Variants in DLG2 observed in about 807,000 individuals in gnomAD.
DLG2 encodes discs large MAGUK scaffold protein 2.
Under a neutral mutation model 132.5 loss-of-function variants are expected in DLG2, and 45 were observed. That is an observed-to-expected ratio of 0.34 (90% CI 0.27 to 0.44). The LOEUF (loss-of-function observed/expected upper bound fraction) is 0.44, where lower values mean the gene tolerates loss of function less well. Ranked by LOEUF, DLG2 falls within the 20% of genes least tolerant of loss-of-function variation. DLG2 has a pLI of 1.00. For missense variants in DLG2, 1,045 were observed against 1,196.9 expected, an observed-to-expected ratio of 0.87 and a Z score of 1.87; for synonymous variants, 424 against 419.6, an observed-to-expected ratio of 1.01 and a Z score of -0.13.
At chr11:83,679,981 A>G (rs1482980257) in intron 18 of DLG2, among the ~76,000 whole-genome samples, 2 of 152,148 alleles carry the variant, frequency 1.3e-5, no homozygotes, top group African/African-American at 2.4e-5. Context: ...CGTAGGCAAA[A>G]TTAACATTTG....
At chr11:84,582,072 G>A (rs1049812475) in intron 6 of DLG2, among the ~76,000 whole-genome samples, 5 of 152,060 alleles carry the variant, frequency 3.3e-5, no homozygotes, top group East Asian at 3.9e-4. Context: ...TTTAAACTCA[G>A]GCCTGTCAGA....
intron 7 of DLG2, among the ~76,000 whole-genome samples, chr11:84,271,478 G>A (rs2097721555): frequency 6.6e-6 from 1 of 152,152 alleles, no homozygotes; most frequent in African/African-American, 2.4e-5. Context: ...CTATAGTCAA[G>A]GTTCTGAGTT....
intron 19 of DLG2, 192 bp downstream of exon 19, chr11:83,633,019 G>A (rs1230967069): frequency 3.7e-6 from 2 of 540,644 alleles, no homozygotes; most frequent in Admixed American, 3.2e-5. Context: ...ATAAAAGCAG[G>A]CACCTTTAAC....
intron 10 of DLG2, among the ~76,000 whole-genome samples, chr11:84,066,446 C>T (rs944015070): frequency 6.6e-6 from 1 of 152,116 alleles, no homozygotes; most frequent in Non-Finnish European, 1.5e-5. Flanking sequence ...ACTCAGACCT[C>T]CTCAAGTTTT....
At chr11:83,948,716 G>A (rs1451781121) in intron 14 of DLG2, among the ~76,000 whole-genome samples, 1 of 151,948 alleles carries the variant, frequency 6.6e-6, no homozygotes, top group African/African-American at 2.4e-5. Context: ...GAGCCCAACT[G>A]CCTATGTTTA....
chr11:84,250,558 G>A (rs1279465441), intron 8 of DLG2, among the ~76,000 whole-genome samples: 8 of 152,164 alleles, frequency 5.3e-5, no homozygotes, highest in Non-Finnish European at 8.8e-5. Context: ...ATCAGCTAGC[G>A]CCCACTCACA....
intron 6 of DLG2, among the ~76,000 whole-genome samples, chr11:84,970,168 T>A (rs11234256): frequency 0.55 from 83,047 of 151,206 alleles, 23,486 homozygotes; most frequent in African/African-American, 0.69. Flanking sequence ...CAGTATAATT[T>A]AAAAAAAAGG....
chr11:84,916,924 A>C (rs2092503480), intron 6 of DLG2, among the ~76,000 whole-genome samples: 2 of 152,184 alleles, frequency 1.3e-5, no homozygotes, highest in South Asian at 4.1e-4. Flanking sequence ...TATGTGTTTT[A>C]GGTCTTTACT....
chr11:85,053,452 T>G (rs1423700455), intron 6 of DLG2, among the ~76,000 whole-genome samples: 1 of 151,788 alleles, frequency 6.6e-6, no homozygotes, highest in East Asian at 1.9e-4. Flanking sequence ...AGTATAAACT[T>G]TATCCTTACT....
chr11:84,682,957 C>T (rs1595680990), intron 6 of DLG2, among the ~76,000 whole-genome samples: 2 of 152,138 alleles, frequency 1.3e-5, no homozygotes, highest in Non-Finnish European at 2.9e-5. Flanking sequence ...AATTTCTCAG[C>T]CTCAGTTTTC....
chr11:84,000,565 C>T (rs2094293560), intron 11 of DLG2, among the ~76,000 whole-genome samples: 1 of 152,070 alleles, frequency 6.6e-6, no homozygotes, highest in Non-Finnish European at 1.5e-5. Context: ...CTCCATGGCA[C>T]ATTACAGTCA....
At chr11:85,026,626 A>G (rs1311010745) in intron 6 of DLG2, among the ~76,000 whole-genome samples, 1 of 152,154 alleles carries the variant, frequency 6.6e-6, no homozygotes, top group Non-Finnish European at 1.5e-5. Context: ...TCACAAGGTC[A>G]GGAGATCGAG....
chr11:85,034,371 G>T (rs1426763975), intron 6 of DLG2, among the ~76,000 whole-genome samples: 1 of 152,116 alleles, frequency 6.6e-6, no homozygotes, highest in Non-Finnish European at 1.5e-5. Flanking sequence ...CACAGCATCT[G>T]GCCTAGATGT....
chr11:84,849,959 A>ATT, intron 6 of DLG2, among the ~76,000 whole-genome samples: 1 of 152,264 alleles, frequency 6.6e-6, no homozygotes, highest in Non-Finnish European at 1.5e-5. Context: ...AATATTTATT[A>ATT]TGATATCTAA....
At chr11:85,244,600 C>T (rs749333470) in intron 4 of DLG2, among the ~76,000 whole-genome samples, 3 of 151,872 alleles carry the variant, frequency 2.0e-5, no homozygotes, top group African/African-American at 4.8e-5. Flanking sequence ...GCTATTGATG[C>T]CTTTTTTTGT....
chr11:85,468,645 G>A (rs2092883682), intron 3 of DLG2, among the ~76,000 whole-genome samples: 1 of 152,168 alleles, frequency 6.6e-6, no homozygotes, highest in Non-Finnish European at 1.5e-5. Context: ...TTAATCTTGA[G>A]TTCTAGTTTG....
intron 8 of DLG2, among the ~76,000 whole-genome samples, chr11:84,178,945 T>C (rs2096048382): frequency 6.6e-6 from 1 of 151,826 alleles, no homozygotes; most frequent in African/African-American, 2.4e-5. Flanking sequence ...TTCAAAAAAA[T>C]ATAGGAGACA....
At chr11:83,751,912 T>C (rs1393961730) in intron 18 of DLG2, among the ~76,000 whole-genome samples, 1 of 152,228 alleles carries the variant, frequency 6.6e-6, no homozygotes, top group Non-Finnish European at 1.5e-5. Context: ...ATTATTAGCA[T>C]TGAGCTGGGA....
chr11:85,513,460 A>T (rs760495578), intron 3 of DLG2, among the ~76,000 whole-genome samples: 1 of 152,108 alleles, frequency 6.6e-6, no homozygotes, highest in Non-Finnish European at 1.5e-5. Flanking sequence ...AGATGTCAAT[A>T]GTGAGCAAAC....
Sources: gnomAD v4.1 joint callset for allele counts (sites outside exome capture counted in the v4.1 genomes callset) on GRCh38, gnomAD v4.1.1 for gene constraint, MANE v1.5 for transcripts, NCBI Gene and HGNC (gene_info 2026-07-23, HGNC 2026-07-21) for gene names.